NRXN1: variants seen among roughly 807,000 people sequenced by gnomAD.
NRXN1 encodes neurexin-1.
In NRXN1, 39 loss-of-function variants were observed where a neutral mutation model predicts 150.9. The observed-to-expected ratio is 0.26, with a 90% CI of 0.20 to 0.34. The LOEUF (loss-of-function observed/expected upper bound fraction) is 0.34, where lower values mean the gene tolerates loss of function less well. NRXN1 is among the 10% of genes least tolerant of loss of function. The pLI is 1.00. For synonymous variants in NRXN1, 924 were observed against 757.0 expected, an observed-to-expected ratio of 1.22 and a Z score of -3.62; for missense variants, 1,815 against 1,949.9, an observed-to-expected ratio of 0.93 and a Z score of 1.30.
At chr2:50,962,080 G>A (rs1374767463) in intron 2 of NRXN1, among the ~76,000 whole-genome samples, 3 of 144,352 alleles carry the variant, frequency 2.1e-5, no homozygotes, top group African/African-American at 7.4e-5. Context: ...ACCAATGAAT[G>A]ATTCTGAGAC....
chr2:50,354,554 C>CATATATATATATATTTAT (rs2078652052), intron 17 of NRXN1, among the ~76,000 whole-genome samples: 1 of 100,132 alleles, frequency 1.0e-5, no homozygotes, highest in Admixed American at 1.1e-4. Context: ...AGAGTGCATA[C>CATATATATATATATTTAT]ATATATATAT....
chr2:50,760,531 T>C (rs1310868011), intron 5 of NRXN1, among the ~76,000 whole-genome samples: 3 of 151,814 alleles, frequency 2.0e-5, no homozygotes, highest in Non-Finnish European at 4.4e-5. Flanking sequence ...GTTGTGAGGC[T>C]CCTCTTCTCT....
At chr2:50,066,628 T>G (rs1170803031) in intron 19 of NRXN1, among the ~76,000 whole-genome samples, 2 of 152,096 alleles carry the variant, frequency 1.3e-5, no homozygotes, top group African/African-American at 4.8e-5. Context: ...GACTCTCCAA[T>G]AAAACATATT....
rs568026493 is a variant in NRXN1, at chr2:49,918,980, C to G, written c.*2964G>C. 1 of 152,132 alleles carries G rather than the reference C, an allele frequency of 6.6e-6. No individual in the cohort carries two copies. The highest frequency in any genetic ancestry group is 2.4e-5 in the African/African-American group (1 of 41,536). The allele number at this position is 152,132 out of a possible 1,614,324, so 9.4% of individuals were successfully genotyped here. On this transcript the variant is annotated 3_prime_UTR_variant, in exon 23 of 23. Transcript: ENST00000401669. ...AACAAACAAAAAAAGAAGAAGAAAACCCCTTTGATACCCAATCACACAAAG... is the reference window on the plus strand; with the variant it reads ...AACAAACAAAAAAAGAAGAAGAAAAGCCCTTTGATACCCAATCACACAAAG...
intron 2 of NRXN1, among the ~76,000 whole-genome samples, chr2:50,976,413 G>T (rs1416383145): frequency 1.3e-5 from 2 of 151,644 alleles, no homozygotes; most frequent in Non-Finnish European, 2.9e-5. Context: ...TTCTTTAATT[G>T]CTGTGTCATG....
chr2:50,858,376 C>G (rs752889430), intron 5 of NRXN1, among the ~76,000 whole-genome samples: 2 of 152,012 alleles, frequency 1.3e-5, no homozygotes, highest in Non-Finnish European at 2.9e-5. Flanking sequence ...CCTTTTCAAA[C>G]TTGGATGGCT....
At chr2:50,504,162 T>C (rs952402864) in intron 13 of NRXN1, among the ~76,000 whole-genome samples, 1 of 63,302 alleles carries the variant, frequency 1.6e-5, no homozygotes, top group Non-Finnish European at 3.4e-5. Context: ...AAAAAAAAAA[T>C]AGCTGGCCCT....
chr2:50,004,761 G>A (rs10174209), intron 21 of NRXN1, among the ~76,000 whole-genome samples: 7 of 152,134 alleles, frequency 4.6e-5, no homozygotes, highest in Non-Finnish European at 7.4e-5. Context: ...AGAATGTTAC[G>A]TGCAGAGCTT....
chr2:50,250,713 G>A (rs531853249), intron 17 of NRXN1, among the ~76,000 whole-genome samples: 47 of 151,966 alleles, frequency 3.1e-4, no homozygotes, highest in African/African-American at 1.1e-3. Flanking sequence ...CACTTAGTAA[G>A]TGTCTTGGTG....
chr2:50,536,849 C>T (rs776725063), intron 10 of NRXN1, among the ~76,000 whole-genome samples: 2 of 152,072 alleles, frequency 1.3e-5, no homozygotes, highest in Non-Finnish European at 2.9e-5. Context: ...ACTAACTAAA[C>T]TATATAGAAA....
intron 21 of NRXN1, among the ~76,000 whole-genome samples, chr2:49,996,381 C>T (rs1369794589): frequency 6.6e-6 from 1 of 152,034 alleles, no homozygotes; most frequent in African/African-American, 2.4e-5. Flanking sequence ...ATTCAGTTTA[C>T]CTGAATCAAG....
At chr2:50,512,929 T>C (rs1314999378) in intron 12 of NRXN1, among the ~76,000 whole-genome samples, 4 of 152,286 alleles carry the variant, frequency 2.6e-5, no homozygotes, top group Non-Finnish European at 4.4e-5. Flanking sequence ...GGTTCAAATG[T>C]AGATTCTCAT....
chr2:50,387,712 G>C (rs1387678878), intron 17 of NRXN1, among the ~76,000 whole-genome samples: 3 of 152,046 alleles, frequency 2.0e-5, no homozygotes, highest in African/African-American at 7.2e-5. Flanking sequence ...CTTCTCTTCG[G>C]GGAATCTGTG....
intron 8 of NRXN1, among the ~76,000 whole-genome samples, chr2:50,571,509 T>C (rs774512064): frequency 3.9e-5 from 6 of 152,190 alleles, no homozygotes; most frequent in South Asian, 2.1e-4. Context: ...GTTTCTTGAT[T>C]CTCCTACCCA....
chr2:50,829,296 A>C, intron 5 of NRXN1: 1 of 610,962 alleles, frequency 1.6e-6, no homozygotes, highest in Non-Finnish European at 2.9e-6. Flanking sequence ...GGAGAGGGGT[A>C]ATTTTGTATT....
chr2:50,861,715 T>A (rs1049429577), intron 5 of NRXN1, among the ~76,000 whole-genome samples: 7 of 152,090 alleles, frequency 4.6e-5, no homozygotes, highest in African/African-American at 1.7e-4. Context: ...GCTATAGCAA[T>A]AATTAATCAT....
chr2:50,052,389 C>G (rs1327061907), intron 21 of NRXN1, among the ~76,000 whole-genome samples: 1 of 152,028 alleles, frequency 6.6e-6, no homozygotes, highest in African/African-American at 2.4e-5. Flanking sequence ...AAATTAACAA[C>G]TGGATACATA....
intron 18 of NRXN1, among the ~76,000 whole-genome samples, chr2:50,191,198 G>T (rs1332048301): frequency 9.4e-5 from 11 of 117,532 alleles, no homozygotes; most frequent in South Asian, 5.5e-4. Context: ...TCAGCTAATT[G>T]TTTTTTGTTT....
chr2:50,172,476 G>C (rs923946834), intron 18 of NRXN1, among the ~76,000 whole-genome samples: 3 of 151,994 alleles, frequency 2.0e-5, no homozygotes, highest in Non-Finnish European at 4.4e-5. Context: ...ACATGAGCCA[G>C]GTGCTAGAAC....
Sources: allele counts gnomAD v4.1 joint callset (sites outside exome capture counted in the v4.1 genomes callset), GRCh38; gene constraint gnomAD v4.1.1; transcripts MANE v1.5; gene names NCBI Gene and HGNC (gene_info 2026-07-23, HGNC 2026-07-21).